Variants in FAM83F observed in about 807,000 individuals in gnomAD.
The protein encoded by FAM83F is protein FAM83F.
A neutral mutation model predicts 42.9 loss-of-function variants in FAM83F; 45 were observed. The ratio of observed to expected loss-of-function variants is 1.05; its 90% CI spans 0.83 to 1.35. FAM83F has a LOEUF of 1.35. Among genes scored for constraint, FAM83F ranks in the 40% most tolerant of loss-of-function variants. The probability of loss-of-function intolerance (pLI) is 0.00; values close to 1 mark genes in which losing one functional copy is unlikely to be tolerated. For synonymous variants in FAM83F, 306 were observed against 298.3 expected (o/e 1.03, Z -0.27); for missense variants, 617 against 695.9 (o/e 0.89, Z 1.28).
Position 40,023,678 on chromosome 22 carries a change from T to C in FAM83F, c.1453+1715T>C, listed in dbSNP as rs967855420. Among the ~76,000 whole-genome samples the C allele has an allele frequency of 1.8e-4, 28 of 152,318 alleles. 1 individual carries two copies. The highest frequency in any genetic ancestry group is 1.7e-3 in the Admixed American group (26 of 15,300). ...GTGGTCACGGCGGCCCTGCCCCTGC[T>C]GCCGCTCTCTGGTGTCTGCACATGG... On this transcript the variant is annotated intron_variant, in intron 4 of 4. Transcript: ENST00000333407. This position sits in a 1 kb window ranked among gnomAD's most constrained non-coding sequence, Gnocchi z 4.1.
rs2067642681 is a variant in FAM83F at position 40,039,596 on chromosome 22, G to A, written c.*10031G>A. On this transcript the variant is annotated 3_prime_UTR_variant, in exon 5 of 5. Transcript: ENST00000333407. ...ATGGAGAGATAGAATTCTCATCTTA[G>A]AGGTGAAAGTAGGATAATGACCCAG... 6.6e-6 allele frequency: 1 copy of A among 152,268 alleles called. No individual in the cohort carries two copies. The highest frequency in any genetic ancestry group is 1.5e-5 in the Non-Finnish European group (1 of 68,042). The allele number at this position is 152,268 out of a possible 1,614,324, so 9.4% of individuals were successfully genotyped here.
intron 4 of FAM83F, among the ~76,000 whole-genome samples, chr22:40,029,256 C>G (rs2067573239): frequency 6.6e-6 from 1 of 152,166 alleles, no homozygotes; most frequent in Non-Finnish European, 1.5e-5. Flanking sequence ...TCCCCGACCC[C>G]TCTTTGGTCA....
intron 4 of FAM83F, among the ~76,000 whole-genome samples, chr22:40,026,803 C>G (rs8140826): frequency 0.024 from 3,654 of 152,230 alleles, 144 homozygotes; most frequent in African/African-American, 0.083. Flanking sequence ...TGGTCTGGCT[C>G]TGTAGAGCTG....
Position 39,995,329 on chromosome 22 carries a change from C to G in FAM83F, c.287C>G (p.Pro96Arg). Residue 96 changes from proline (P) to arginine (R), a missense_variant, in exon 1 of 5, where the codon CCG becomes CGG. Physicochemically the swap from Pro to Arg is moderately radical, Grantham distance 103. Coordinates refer to ENST00000333407, the MANE Select transcript of FAM83F (RefSeq NM_138435.4). This position sits in a 1 kb window ranked among gnomAD's most constrained non-coding sequence, Gnocchi z 4.6. ...AAGGCCAAGGCCAAGGCCCCCGCGC[C>G]GGCGCCGGCTGAGTCCGGCGAGTCC... ...KSKAKAKAPA[P>R]APAESGESLA... is the part of the protein sequence containing the mutation. 6.5e-7 allele frequency: 1 copy of G among 1,539,612 alleles called. No homozygotes were observed. The highest frequency in any genetic ancestry group is 8.7e-7 in the Non-Finnish European group (1 of 1,145,978).
At chr22:40,002,651 CGTG>C (rs2067408567) in intron 1 of FAM83F, among the ~76,000 whole-genome samples, 1 of 152,114 alleles carries the variant, frequency 6.6e-6, no homozygotes, top group South Asian at 2.1e-4. Context: ...CACTGGGTGA[CGTG>C]GGGTACATCA....
chr22:40,019,340 G>A lies in FAM83F; in HGVS notation c.657+5G>A. On this transcript the variant is annotated splice_donor_5th_base_variant and intron_variant, in intron 2 of 4. Transcript: ENST00000333407. ...CTCACTGACTTCCGGATTCGGGTAA[G>A]TTGCACCACTGGGGTGGAAAGTGGA... 6 of 1,613,370 alleles carry A rather than the reference G, an allele frequency of 3.7e-6. No homozygotes were observed. The highest frequency in any genetic ancestry group is 5.1e-6 in the Non-Finnish European group (6 of 1,179,424).
rs981103861 is a variant in FAM83F at position 40,023,991 on chromosome 22, A to T, written c.1453+2028A>T. On this transcript the variant is annotated intron_variant, in intron 4 of 4. Coordinates refer to ENST00000333407, the MANE Select transcript of FAM83F (RefSeq NM_138435.4). The surrounding 1 kb of genome is among the most constrained non-coding windows in gnomAD (Gnocchi z 4.1). ...CCCTCCCAAGGCCTGAGGGAGAAGC[A>T]GCAGCTCCTCTCCTGTCTTTTGCTG... is the stretch of plus-strand genomic sequence containing the variant. Among the ~76,000 whole-genome samples the T allele has an allele frequency of 1.4e-4, 22 of 152,196 alleles. No individual in the cohort carries two copies. The highest frequency in any genetic ancestry group is 5.1e-4 in the African/African-American group (21 of 41,546).
At chr22:40,001,739 T>C (rs2067402853) in intron 1 of FAM83F, among the ~76,000 whole-genome samples, 1 of 152,172 alleles carries the variant, frequency 6.6e-6, no homozygotes, top group African/African-American at 2.4e-5. Flanking sequence ...TACTGGAAAG[T>C]ATCATACAAA....
intron 1 of FAM83F, among the ~76,000 whole-genome samples, chr22:40,007,273 T>TTG (rs2067435048): frequency 9.0e-6 from 1 of 111,034 alleles, no homozygotes; most frequent in African/African-American, 3.5e-5. Context: ...TCCTCCTCTC[T>TTG]TCCTCCTTTC....
chr22:39,997,699 G>T (rs1470234610), intron 1 of FAM83F, among the ~76,000 whole-genome samples: 1 of 152,222 alleles, frequency 6.6e-6, no homozygotes, highest in Non-Finnish European at 1.5e-5. Context: ...AAAAAGCAAG[G>T]AGGTTTGATT....
chr22:40,023,090 G>T lies in FAM83F; in HGVS notation c.1453+1127G>T, dbSNP rs1246307105. Among the ~76,000 whole-genome samples, 3 of 152,212 alleles carry T rather than the reference G, an allele frequency of 2.0e-5. No homozygotes were observed. The highest frequency in any genetic ancestry group is 7.2e-5 in the African/African-American group (3 of 41,454). On this transcript the variant is annotated intron_variant, in intron 4 of 4. Coordinates refer to ENST00000333407, the MANE Select transcript of FAM83F (RefSeq NM_138435.4). This position sits in a 1 kb window ranked among gnomAD's most constrained non-coding sequence, Gnocchi z 4.1. Reference sequence around the variant, plus strand: ...GAGTGTCAGGGCGTTCCTTCTGTTTGGCCTGGAGACGTTGACTGAGCTGCT... The same window carrying T: ...GAGTGTCAGGGCGTTCCTTCTGTTTTGCCTGGAGACGTTGACTGAGCTGCT...
rs751413182 is a variant in FAM83F at position 40,021,990 on chromosome 22, G to A, written c.1453+27G>A. The A allele has an allele frequency of 6.6e-7, 1 of 1,508,722 alleles. No individual in the cohort carries two copies. The highest frequency in any genetic ancestry group is 2.3e-5 in the East Asian group (1 of 43,858). The allele number at this position is 1,508,722 out of a possible 1,614,324, so 93.5% of individuals were successfully genotyped here. A position where few individuals can be genotyped will look rare whatever the true frequency, so the allele number is the denominator to read the frequency against. ...TGAGCCCTCTTCCCTCTGGCCTGGTGCCTCCCCAGGCCTCTGGCCCTCGCC... is the reference window on the plus strand; with the variant it reads ...TGAGCCCTCTTCCCTCTGGCCTGGTACCTCCCCAGGCCTCTGGCCCTCGCC... On this transcript the variant is annotated intron_variant, in intron 4 of 4. Coordinates refer to ENST00000333407, the MANE Select transcript of FAM83F (RefSeq NM_138435.4). This position sits in a 1 kb window ranked among gnomAD's most constrained non-coding sequence, Gnocchi z 8.7.
At chr22:40,029,333 A>C (rs1454152006) in intron 4 of FAM83F, among the ~76,000 whole-genome samples, 183 bp from the exon 5 acceptor site, 3 of 152,028 alleles carry the variant, frequency 2.0e-5, no homozygotes, top group African/African-American at 7.3e-5. Flanking sequence ...GACAGGCAGA[A>C]TCTTCCCTTC....
Position 40,033,673 on chromosome 22 carries a change from T to C in FAM83F, c.*4108T>C, listed in dbSNP as rs1281458273. 1.3e-5 allele frequency: 2 copies of C among 152,192 alleles called. No homozygotes were observed. The highest frequency in any genetic ancestry group is 2.4e-5 in the African/African-American group (1 of 41,432). 9.4% of individuals were successfully genotyped at this position (152,192 alleles called of 1,614,324 possible). ...CCACATGTCCCCTGGGGGGTAAAAGTGCCCCCGTTGAGAGCACTGGCTCTT... is the reference window on the plus strand; with the variant it reads ...CCACATGTCCCCTGGGGGGTAAAAGCGCCCCCGTTGAGAGCACTGGCTCTT... On this transcript the variant is annotated 3_prime_UTR_variant, in exon 5 of 5. Transcript: ENST00000333407.
In FAM83F at chr22:40,019,315, C is replaced by T. The variant is rs554460400; in HGVS notation, c.637C>T (p.Leu213Phe). The change falls in exon 2 of 5, where the codon CTC (leucine) becomes TTC (phenylalanine). Residue 213 changes from leucine (L) to phenylalanine (F), a missense_variant. Coordinates refer to ENST00000333407, the MANE Select transcript of FAM83F (RefSeq NM_138435.4). ...YFLEMCQDLQ[L>F]TDFRIRNIRV... is the part of the protein sequence containing the mutation. ...CCTGGAGATGTGTCAGGACCTGCAG[C>T]TCACTGACTTCCGGATTCGGGTAAG... The T allele has an allele frequency of 1.1e-5, 18 of 1,613,940 alleles. No individual in the cohort carries two copies. The African/African-American group carries it at 2.3e-4, about 20-fold the overall frequency.
rs2067642713 is a variant in FAM83F at position 40,039,604 on chromosome 22, A to G, written c.*10039A>G. ...ATAGAATTCTCATCTTAGAGGTGAAAGTAGGATAATGACCCAGCTGAGCTT... is the reference window on the plus strand; with the variant it reads ...ATAGAATTCTCATCTTAGAGGTGAAGGTAGGATAATGACCCAGCTGAGCTT... On this transcript the variant is annotated 3_prime_UTR_variant, in exon 5 of 5. Transcript: ENST00000333407. 1 of 152,272 alleles carries G rather than the reference A, an allele frequency of 6.6e-6. No homozygotes were observed. The highest frequency in any genetic ancestry group is 1.9e-4 in the East Asian group (1 of 5,206). The allele number at this position is 152,272 out of a possible 1,614,324, so 9.4% of individuals were successfully genotyped here. A position where few individuals can be genotyped will look rare whatever the true frequency, so the allele number is the denominator to read the frequency against.
intron 1 of FAM83F, among the ~76,000 whole-genome samples, chr22:40,005,257 G>A (rs1007435375): frequency 7.2e-5 from 11 of 152,218 alleles, no homozygotes; most frequent in African/African-American, 2.2e-4. Context: ...AGAGCTCAAG[G>A]CTAGTAACAC....
intron 2 of FAM83F, 129 bp from the exon 3 acceptor site, chr22:40,019,758 A>G: frequency 1.5e-6 from 2 of 1,293,598 alleles, no homozygotes. Flanking sequence ...TAGGAAGCAG[A>G]GCGTCTAGTG....
intron 1 of FAM83F, among the ~76,000 whole-genome samples, chr22:40,005,982 G>T (rs1444937302): frequency 6.6e-6 from 1 of 152,258 alleles, no homozygotes; most frequent in Non-Finnish European, 1.5e-5. Flanking sequence ...GCTCACGCCT[G>T]TAATGCCAGC....
Sources: allele counts gnomAD v4.1 joint callset (sites outside exome capture counted in the v4.1 genomes callset), GRCh38; gene constraint gnomAD v4.1.1; non-coding constraint Gnocchi (gnomAD v3.1); transcripts MANE v1.5; gene names NCBI Gene and HGNC (gene_info 2026-07-23, HGNC 2026-07-21).